The following DNAH9 variants were observed in gnomAD, a reference collection of about 807,000 sequenced individuals.
DNAH9 encodes dynein axonemal heavy chain 9.
In DNAH9, 345 loss-of-function variants were observed where a neutral mutation model predicts 471.6. That is an observed-to-expected ratio of 0.73 (90% CI 0.67 to 0.80). The LOEUF is 0.80. Ranked by LOEUF, DNAH9 falls within the 30% of genes least tolerant of loss-of-function variation. DNAH9 has a pLI of 0.00. For synonymous variants in DNAH9, 2,093 were observed against 2,123.6 expected (o/e 0.99, Z 0.40); for missense variants, 5,407 against 5,609.2 (o/e 0.96, Z 1.15).
At chr17:11,605,698 T>C in intron 1 of DNAH9, among the ~76,000 whole-genome samples, 1 of 148,460 alleles carries the variant, frequency 6.7e-6, no homozygotes. Flanking sequence ...ACAGATGAGG[T>C]CTTGCTATGT....
At position 11,932,850 on chromosome 17, in the gene DNAH9, T is replaced by G. The variant is rs1467788663; in HGVS notation, c.12297+645T>G. 1.3e-5 allele frequency among the ~76,000 whole-genome samples: 2 copies of G among 152,196 alleles called. No individual in the cohort carries two copies. Among genetic ancestry groups the G allele is most frequent in the African/African-American group, 4.8e-5 (2 of 41,454 alleles). ...AGACTGTGATCAGCAGGAAGAGACT[T>G]CACACTCGCCTGATATAAGTTCCCA... On this transcript the variant is annotated intron_variant, in intron 64 of 68. Transcript: ENST00000262442. The surrounding 1 kb of genome is among the most constrained non-coding windows in gnomAD (Gnocchi z 4.3).
intron 35 of DNAH9, 68 bp downstream of exon 35, chr17:11,757,760 T>C (rs2150860299): frequency 6.6e-7 from 1 of 1,519,102 alleles, no homozygotes; most frequent in Admixed American, 1.8e-5. Context: ...TCACACCTAG[T>C]GTCCTGCTGA....
intron 19 of DNAH9, among the ~76,000 whole-genome samples, chr17:11,685,617 A>C (rs2074228533): frequency 6.6e-6 from 1 of 152,042 alleles, no homozygotes; most frequent in African/African-American, 2.4e-5. Context: ...TAGATTACAG[A>C]GAGATTTAGG....
intron 50 of DNAH9, among the ~76,000 whole-genome samples, chr17:11,858,937 A>G (rs909872213): frequency 6.6e-6 from 1 of 151,966 alleles, no homozygotes; most frequent in Admixed American, 6.6e-5. Flanking sequence ...ATACAAAATT[A>G]ACCCGGCGTG....
intron 39 of DNAH9, among the ~76,000 whole-genome samples, chr17:11,782,805 G>C (rs527466546): frequency 6.6e-6 from 1 of 152,180 alleles, no homozygotes; most frequent in Non-Finnish European, 1.5e-5. Context: ...GCTGAGGCAG[G>C]AGAATGGCTT....
chr17:11,943,937 G>T (rs756810177), intron 67 of DNAH9, among the ~76,000 whole-genome samples: 1 of 151,550 alleles, frequency 6.6e-6, no homozygotes, highest in Non-Finnish European at 1.5e-5. Flanking sequence ...TGAGTACGCA[G>T]GTATATATCA....
intron 26 of DNAH9, among the ~76,000 whole-genome samples, chr17:11,717,481 T>A (rs1205112570): frequency 6.6e-6 from 1 of 151,556 alleles, no homozygotes; most frequent in Non-Finnish European, 1.5e-5. Flanking sequence ...AGTCTCAGAG[T>A]CTCTGGTCAT....
chr17:11,757,210 G>A (rs181438149), intron 34 of DNAH9, among the ~76,000 whole-genome samples: 1 of 152,084 alleles, frequency 6.6e-6, no homozygotes, highest in Non-Finnish European at 1.5e-5. Context: ...CCTATAGTTA[G>A]CCATACTGTA....
intron 67 of DNAH9, among the ~76,000 whole-genome samples, chr17:11,944,842 G>T (rs1975057037): frequency 6.6e-6 from 1 of 152,186 alleles, no homozygotes; most frequent in Non-Finnish European, 1.5e-5. Context: ...CTCAAGTTTG[G>T]GAAGCACAGC....
intron 36 of DNAH9, among the ~76,000 whole-genome samples, chr17:11,767,149 C>A (rs998683301): frequency 6.6e-6 from 1 of 152,108 alleles, no homozygotes; most frequent in African/African-American, 2.4e-5. Flanking sequence ...AATTGCCAGG[C>A]ATCTCAAGGC....
Position 11,669,802 on chromosome 17 carries a change from AGTT to A in DNAH9, c.3353+12_3353+14del. Reference sequence around the variant, plus strand: ...GGACCACGTCACTCACAGGTACAACAGTTGTTTTCACTTTCTTCCAGCATGCTA... The same window carrying A: ...GGACCACGTCACTCACAGGTACAACAGTTTTCACTTTCTTCCAGCATGCTA... On this transcript the variant is annotated intron_variant, in intron 17 of 68. Transcript: ENST00000262442. 6.2e-7 allele frequency: 1 copy of A among 1,610,128 alleles called. No homozygotes were observed. The highest frequency in any genetic ancestry group is 8.5e-7 in the Non-Finnish European group (1 of 1,177,262).
intron 59 of DNAH9, among the ~76,000 whole-genome samples, chr17:11,895,815 A>C (rs1973200108): frequency 6.6e-6 from 1 of 152,226 alleles, no homozygotes; most frequent in Admixed American, 6.5e-5. Context: ...TGGTGTGCTC[A>C]TTTAGCATGA....
At chr17:11,702,544 G>C (rs114111151) in intron 24 of DNAH9, among the ~76,000 whole-genome samples, 1,659 of 152,300 alleles carry the variant, frequency 0.011, 34 homozygotes, top group African/African-American at 0.038. Context: ...CAGAGGAGGA[G>C]GAAGGAGGAA....
In DNAH9 at chr17:11,784,540, G is replaced by A. The variant is rs892068037; in HGVS notation, c.8061+1G>A. ...CAGAGATTTTGCCAACATTTTCCAG[G>A]TGAGTTCATCGGCTCCGAGACACCC... On this transcript the variant is annotated splice_donor_variant, in intron 41 of 68. Coordinates refer to ENST00000262442, the MANE Select transcript of DNAH9 (RefSeq NM_001372.4). LOFTEE classifies it high-confidence loss of function. 3 of 1,614,082 alleles carry A rather than the reference G, an allele frequency of 1.9e-6. No homozygotes were observed. The highest frequency in any genetic ancestry group is 3.3e-5 in the Admixed American group (2 of 60,018).
intron 19 of DNAH9, among the ~76,000 whole-genome samples, chr17:11,684,024 G>A (rs2074188601): frequency 6.6e-6 from 1 of 152,134 alleles, no homozygotes; most frequent in African/African-American, 2.4e-5. Flanking sequence ...TTTAAATCTG[G>A]TTTCTCCACT....
At chr17:11,788,259 A>G (rs918022522) in intron 41 of DNAH9, among the ~76,000 whole-genome samples, 13 of 152,340 alleles carry the variant, frequency 8.5e-5, no homozygotes, top group Non-Finnish European at 1.5e-4. Context: ...GGTACCTAGG[A>G]GAGCTAAGAA....
chr17:11,757,651 C>T lies in DNAH9; in HGVS notation c.6954C>T (p.Phe2318=), dbSNP rs368740897. ...AGAGAGCCAACTTAACCATTTTGTT[C>T]GACAAGTATCTTCCAACCTGCCTAG... ...QTERANLTIL[F]DKYLPTCLDT... Residue 2318 remains phenylalanine (F), a synonymous_variant, in exon 35 of 69, where the codon TTC becomes TTT. Coordinates refer to ENST00000262442, the MANE Select transcript of DNAH9 (RefSeq NM_001372.4). 6.2e-6 allele frequency: 10 copies of T among 1,614,054 alleles called. No homozygotes were observed. Among genetic ancestry groups the T allele is most frequent in the South Asian group, 2.2e-5 (2 of 91,064 alleles).
intron 10 of DNAH9, among the ~76,000 whole-genome samples, chr17:11,641,847 A>G (rs2150687035): frequency 2.0e-5 from 3 of 152,218 alleles, no homozygotes; most frequent in Middle Eastern, 6.8e-3. Flanking sequence ...TGAGGAAGGG[A>G]GGGGAAACAG....
At chr17:11,680,642 A>G in intron 18 of DNAH9, 81 bp from the exon 19 acceptor site, 1 of 1,224,968 alleles carries the variant, frequency 8.2e-7, no homozygotes. Flanking sequence ...AGATGGAAGC[A>G]TCTGGGCTCT....
Sources: allele counts gnomAD v4.1 joint callset (sites outside exome capture counted in the v4.1 genomes callset), GRCh38; gene constraint gnomAD v4.1.1; non-coding constraint Gnocchi (gnomAD v3.1); transcripts MANE v1.5; gene names NCBI Gene and HGNC (gene_info 2026-07-23, HGNC 2026-07-21).